HTR2C: variants seen among roughly 807,000 people sequenced by gnomAD.
HTR2C encodes 5-hydroxytryptamine (serotonin) receptor 2C, G protein-coupled.
In HTR2C, 5 loss-of-function variants were observed where a neutral mutation model predicts 21.0. That is an observed-to-expected ratio of 0.24 (90% CI 0.12 to 0.50). The LOEUF (loss-of-function observed/expected upper bound fraction) is 0.50. HTR2C is among the 20% of genes least tolerant of loss of function. The pLI, the probability that HTR2C is intolerant of heterozygous loss-of-function variation, is 0.98. For synonymous variants in HTR2C, 150 were observed against 145.3 expected (o/e 1.03, Z -0.23); for missense variants, 271 against 371.2 (o/e 0.73, Z 2.22).
rs782738928 is a variant in HTR2C at position 114,673,282 on chromosome X, T to C, written c.-79-53576T>C. ...CAAATTATTTCACCAAGTTATTACA[T>C]TCATTTTTTATGATTATCTTCAATG... On this transcript the variant is annotated intron_variant, in intron 2 of 5. Coordinates refer to ENST00000276198, the MANE Select transcript of HTR2C (RefSeq NM_000868.4). Among the ~76,000 whole-genome samples the C allele has an allele frequency of 4.5e-5, 5 of 112,246 alleles. No homozygotes were observed. The South Asian group carries it at 1.8e-3, about 41-fold the overall frequency.
At chrX:114,620,635 G>A (rs1409075138) in intron 2 of HTR2C, among the ~76,000 whole-genome samples, 2 of 110,808 alleles carry the variant, frequency 1.8e-5, no homozygotes, top group Non-Finnish European at 3.8e-5. Context: ...TACTTTCCTG[G>A]CTAAGCTTTC....
At chrX:114,872,824 CTGTT>C (rs1387768099) in intron 5 of HTR2C, among the ~76,000 whole-genome samples, 2 of 111,390 alleles carry the variant, frequency 1.8e-5, no homozygotes, top group African/African-American at 6.5e-5. Context: ...ACTTTTCTGT[CTGTT>C]TGTTAAATCT....
In HTR2C at chrX:114,726,943, A is replaced by C; in HGVS notation, c.7A>C (p.Asn3His). Residue 3 changes from asparagine (N) to histidine (H), a missense_variant, in exon 3 of 6, where the codon AAC becomes CAC. By Grantham distance (68) the Asn-to-His change is moderately conservative. This residue lies in a region of HTR2C where 57 missense variants were observed against 64.0 expected (regional missense o/e 0.89). Transcript: ENST00000276198. MVNLRNAVHSFLV... is the reference protein window; with the variant it reads MVHLRNAVHSFLV... ...GCTTAAGACTGAAGCAATCATGGTG[A>C]ACCTGAGGAATGCGGTGCATTCATT... 1 of 1,132,040 alleles carries C rather than the reference A, an allele frequency of 8.8e-7. No individual in the cohort carries two copies. The highest frequency in any genetic ancestry group is 1.2e-6 in the Non-Finnish European group (1 of 852,323). The allele number at this position is 1,132,040 out of a possible 1,213,427, so 93.3% of individuals were successfully genotyped here. A position where few individuals can be genotyped will look rare whatever the true frequency, so the allele number is the denominator to read the frequency against.
chrX:114,833,542 T>C (rs1308082529), intron 4 of HTR2C, among the ~76,000 whole-genome samples: 2 of 110,733 alleles, frequency 1.8e-5, no homozygotes, highest in East Asian at 5.7e-4. Flanking sequence ...GGATTAGTGG[T>C]GATATCCCCT....
intron 2 of HTR2C, among the ~76,000 whole-genome samples, chrX:114,650,421 A>G (rs1930515972): frequency 9.0e-6 from 1 of 111,653 alleles, no homozygotes; most frequent in Non-Finnish European, 1.9e-5. Context: ...CCCTAATCTC[A>G]GTCTTTAGAA....
rs377191676 is a variant in HTR2C at position 114,907,387 on chromosome X, T to C, written c.1349T>C (p.Val450Ala). The change falls in exon 6 of 6, where the codon GTG becomes GCG. Residue 450 changes from valine to alanine, a missense_variant. By Grantham distance (64) the Val-to-Ala change is moderately conservative. Coordinates refer to ENST00000276198, the MANE Select transcript of HTR2C (RefSeq NM_000868.4). ...NLELPVNPSS[V>A]VSERISSV ...GAGTTACCAGTAAATCCCTCCAGTG[T>C]GGTTAGCGAAAGGATTAGCAGTGTG... The C allele has an allele frequency of 1.3e-5, 16 of 1,205,827 alleles. No individual in the cohort carries two copies. Among genetic ancestry groups the C allele is most frequent in the Non-Finnish European group, 1.8e-5 (16 of 891,559 alleles).
chrX:114,587,921 T>C (rs1927467282), intron 1 of HTR2C, among the ~76,000 whole-genome samples: 2 of 112,410 alleles, frequency 1.8e-5, no homozygotes, highest in African/African-American at 6.5e-5. Context: ...CTGCAACAAC[T>C]CTTTGCTAAT....
intron 4 of HTR2C, among the ~76,000 whole-genome samples, chrX:114,830,624 A>G (rs2070714321): frequency 1.9e-5 from 2 of 102,891 alleles, no homozygotes; most frequent in South Asian, 4.6e-4. Context: ...GTTTCTTTAT[A>G]TTTTATTTTA....
intron 2 of HTR2C, among the ~76,000 whole-genome samples, chrX:114,711,082 A>AT (rs1406000647): frequency 4.5e-5 from 5 of 112,105 alleles, no homozygotes; most frequent in African/African-American, 1.6e-4. Flanking sequence ...GATTGGCTAG[A>AT]TTATCTATGG....
chrX:114,810,816 A>G (rs781836687), intron 4 of HTR2C, among the ~76,000 whole-genome samples: 1 of 108,857 alleles, frequency 9.2e-6, no homozygotes, highest in South Asian at 4.2e-4. Context: ...GTGGGGGACA[A>G]TTGCTGGAGG....
chrX:114,757,129 C>T (rs2069821366), intron 4 of HTR2C, among the ~76,000 whole-genome samples: 2 of 110,674 alleles, frequency 1.8e-5, no homozygotes, highest in South Asian at 3.7e-4. Context: ...ATACAAATTG[C>T]TACTATTTTA....
chrX:114,899,119 A>G (rs1271515394), intron 5 of HTR2C, among the ~76,000 whole-genome samples: 7 of 111,512 alleles, frequency 6.3e-5, no homozygotes, highest in Admixed American at 1.9e-4. Flanking sequence ...CTTATTAGCT[A>G]TATTCCTAAG....
intron 4 of HTR2C, among the ~76,000 whole-genome samples, chrX:114,805,259 A>G (rs1038788575): frequency 9.1e-6 from 1 of 109,684 alleles, no homozygotes; most frequent in African/African-American, 3.3e-5. Flanking sequence ...AAACTTTGAC[A>G]TATGACCAAT....
At chrX:114,786,441 A>G (rs1451115942) in intron 4 of HTR2C, among the ~76,000 whole-genome samples, 11 of 111,967 alleles carry the variant, frequency 9.8e-5, no homozygotes, top group African/African-American at 3.6e-4. Context: ...AAGCAGCAGC[A>G]AAAAATACTG....
intron 2 of HTR2C, among the ~76,000 whole-genome samples, chrX:114,615,944 C>A (rs1928931049): frequency 8.9e-6 from 1 of 112,146 alleles, no homozygotes; most frequent in Non-Finnish European, 1.9e-5. Context: ...GTTCCTATAA[C>A]TGAATCCCTT....
chrX:114,858,373 G>C lies in HTR2C; in HGVS notation c.550+10170G>C, dbSNP rs142142767. 4.2e-3 allele frequency among the ~76,000 whole-genome samples: 470 copies of C among 110,815 alleles called. 1 individual carries two copies. The highest frequency in any genetic ancestry group is 0.015 in the African/African-American group (451 of 30,612). On this transcript the variant is annotated intron_variant, in intron 5 of 5. Coordinates refer to ENST00000276198, the MANE Select transcript of HTR2C (RefSeq NM_000868.4). ...ATGTAAATAATCTACTATTTATTTA[G>C]GCCTTCTTTAATACTCTGTTATGTT...
intron 4 of HTR2C, among the ~76,000 whole-genome samples, chrX:114,804,649 G>A (rs1206140025): frequency 9.0e-6 from 1 of 111,710 alleles, no homozygotes; most frequent in Non-Finnish European, 1.9e-5. Flanking sequence ...ACAATTATCA[G>A]TGATCTTAAG....
chrX:114,641,441 C>T (rs1371017383), intron 2 of HTR2C, among the ~76,000 whole-genome samples: 1 of 111,274 alleles, frequency 9.0e-6, no homozygotes, highest in Non-Finnish European at 1.9e-5. Flanking sequence ...AGAAACAGTT[C>T]TGTGAAATAC....
intron 4 of HTR2C, among the ~76,000 whole-genome samples, chrX:114,767,668 A>G (rs1180438648): frequency 1.8e-5 from 2 of 108,295 alleles, no homozygotes; most frequent in African/African-American, 6.6e-5. Context: ...ATGAAAATAT[A>G]TTCAAAATAG....
Sources: allele counts gnomAD v4.1 joint callset (sites outside exome capture counted in the v4.1 genomes callset), GRCh38; gene constraint gnomAD v4.1.1; regional missense constraint gnomAD v4.1.1; transcripts MANE v1.5; gene names NCBI Gene and HGNC (gene_info 2026-07-23, HGNC 2026-07-21).